The following LRWD1 variants were observed in gnomAD, a reference collection of about 807,000 sequenced individuals.
LRWD1 encodes the protein leucine-rich repeat and WD repeat-containing protein 1.
A neutral mutation model predicts 75.6 loss-of-function variants in LRWD1; 76 were observed. The ratio of observed to expected loss-of-function variants is 1.01; its 90% CI spans 0.84 to 1.22. The LOEUF is 1.22. LRWD1 is among the 50% of genes most tolerant of loss of function. The pLI is 0.00. For synonymous variants in LRWD1, 487 were observed against 377.0 expected (o/e 1.29, Z -3.38); for missense variants, 917 against 862.0 (o/e 1.06, Z -0.80).
At chr7:102,468,434 G>T (rs1466207332) in intron 7 of LRWD1, 57 bp downstream of exon 7, 2 of 1,546,532 alleles carry the variant, frequency 1.3e-6, no homozygotes, top group East Asian at 2.4e-5. Context: ...CGCCTGGATG[G>T]GTGGGGGATC....
At chr7:102,465,537 T>G (rs10953368) in intron 1 of LRWD1, 133,056 of 198,318 alleles carry the variant, frequency 0.67, 45,933 homozygotes, top group Non-Finnish European at 0.75. Flanking sequence ...TTAAGTGGTG[T>G]GGAGTCGGGA....
rs1798211199 is a variant in LRWD1 at position 102,472,124 on chromosome 7, AG to A, written c.1443-91del. The A allele has an allele frequency of 3.6e-6, 4 of 1,121,668 alleles. No homozygotes were observed. In the African/African-American group the frequency reaches 6.2e-5, roughly 17 times the overall value. The allele number at this position is 1,121,668 out of a possible 1,614,324, so 69.5% of individuals were successfully genotyped here. A position where few individuals can be genotyped will look rare whatever the true frequency, so the allele number is the denominator to read the frequency against. On this transcript the variant is annotated intron_variant, in intron 11 of 14. Coordinates refer to ENST00000292616, the MANE Select transcript of LRWD1 (RefSeq NM_152892.3). ...CTTCTGTGCAGCCTTCACACAGGGC[AG>A]GGTCCCCAGCAGGTGCGCTGCAGAT...
intron 8 of LRWD1, 78 bp from the exon 9 acceptor site, chr7:102,468,777 C>A: frequency 6.5e-7 from 1 of 1,548,700 alleles, no homozygotes. Flanking sequence ...CTGGGGCTCC[C>A]TCCCCCAGGC....
intron 5 of LRWD1, 101 bp downstream of exon 5, chr7:102,467,924 C>T: frequency 6.7e-7 from 1 of 1,498,026 alleles, no homozygotes; most frequent in Non-Finnish European, 9.0e-7. Context: ...GGAAGCACCC[C>T]AGGTCCTGGC....
In LRWD1 at chr7:102,469,858, G is replaced by A. The variant is rs201589745; in HGVS notation, c.1418G>A (p.Arg473Gln). 2.1e-5 allele frequency: 33 copies of A among 1,588,400 alleles called. No individual in the cohort carries two copies. Among genetic ancestry groups the A allele is most frequent in the Admixed American group, 1.0e-4 (6 of 57,726 alleles). Residue 473 changes from arginine to glutamine, a missense_variant, in exon 11 of 15, where the codon CGG becomes CAG. Coordinates refer to ENST00000292616, the MANE Select transcript of LRWD1 (RefSeq NM_152892.3). Reference sequence around the variant, plus strand: ...GGCGGCTGCTGCTGCTGGGACGTGCGGCTGGACCAGCCCCAAAAGAGGAGG... The same window carrying A: ...GGCGGCTGCTGCTGCTGGGACGTGCAGCTGGACCAGCCCCAAAAGAGGAGG... ...CEGGCCCWDV[R>Q]LDQPQKRRVC... is the part of the protein sequence containing the mutation.
rs950492136 is a variant in LRWD1, at chr7:102,465,900, C to CT, written c.165dup (p.Asn56Ter). 1.2e-6 allele frequency: 2 copies of CT among 1,613,624 alleles called. No individual in the cohort carries two copies. The highest frequency in any genetic ancestry group is 1.1e-5 in the South Asian group (1 of 91,074). On this transcript the variant is annotated frameshift_variant, in exon 2 of 15. Coordinates refer to ENST00000292616, the MANE Select transcript of LRWD1 (RefSeq NM_152892.3). LOFTEE classifies it high-confidence loss of function. ...ACGCAGCTGCAGGAGCTTGACCTGT[C>CT]TAACAACCACCTGGAGACGCTGCCG... is the stretch of plus-strand genomic sequence containing the variant.
At chr7:102,471,238 T>G (rs530853783) in intron 11 of LRWD1, 1 of 152,560 alleles carries the variant, frequency 6.6e-6, no homozygotes, top group African/African-American at 2.4e-5. Context: ...AGCTGACTTT[T>G]GTCTTTTTAA....
At position 102,472,478 on chromosome 7, in the gene LRWD1, C is replaced by A; in HGVS notation, c.1559C>A (p.Thr520Asn). 1 of 1,540,252 alleles carries A rather than the reference C, an allele frequency of 6.5e-7. No homozygotes were observed. Among genetic ancestry groups the A allele is most frequent in the Non-Finnish European group, 8.8e-7 (1 of 1,141,460 alleles). The change falls in exon 13 of 15, where the codon ACC (threonine) becomes AAC (asparagine). Residue 520 changes from threonine (T) to asparagine (N), a missense_variant. Transcript: ENST00000292616. The stretch of plus-strand genomic sequence containing the variant: ...GCCTCCAAGGGGAGCGGCCTGGGCA[C>A]CATCTGCCTGTGGAGCTGGAGGCAG... ...IVASKGSGLG[T>N]ICLWSWRQTW...
Position 102,469,772 on chromosome 7 carries a change from C to T in LRWD1, c.1332C>T (p.Ile444=). The T allele has an allele frequency of 6.2e-7, 1 of 1,609,342 alleles. No homozygotes were observed. The highest frequency in any genetic ancestry group is 8.5e-7 in the Non-Finnish European group (1 of 1,177,138). ...TGCTCACACTGGACACCACCTCTAT[C>T]CCCCTGCGCCTCTGCCCTGTCGCCT... The part of the protein sequence containing the change: ...SQLLTLDTTS[I]PLRLCPVASC... Residue 444 remains isoleucine (I), a synonymous_variant, in exon 11 of 15, where the codon ATC becomes ATT. Coordinates refer to ENST00000292616, the MANE Select transcript of LRWD1 (RefSeq NM_152892.3).
rs374442932 is a variant in LRWD1 at position 102,467,449 on chromosome 7, C to T, written c.543C>T (p.Pro181=). ...CTGTCAGGGATGTCCGCTACGGGCC[C>T]GAGTCCCTCAGCGAGTTCACCCAGT... ...KSAVRDVRYG[P]ESLSEFTQWR... is the part of the protein sequence containing the mutation. Residue 181 remains proline (P), a synonymous_variant, in exon 4 of 15, where the codon CCC becomes CCT. Transcript: ENST00000292616. The T allele has an allele frequency of 1.1e-5, 17 of 1,613,660 alleles. No individual in the cohort carries two copies. Among genetic ancestry groups the T allele is most frequent in the African/African-American group, 1.3e-5 (1 of 74,858 alleles).
Position 102,467,477 on chromosome 7 carries a change from C to T in LRWD1, c.571C>T (p.Arg191Trp), listed in dbSNP as rs1314161074. 2.5e-6 allele frequency: 4 copies of T among 1,612,474 alleles called. No individual in the cohort carries two copies. The East Asian group carries it at 6.7e-5, about 27-fold the overall frequency. The change falls in exon 4 of 15, where the codon CGG becomes TGG. Residue 191 changes from arginine (R) to tryptophan (W), a missense_variant and splice_region_variant. Transcript: ENST00000292616. Reference protein sequence around the residue: ...PESLSEFTQWRVRMISEELVA... With the variant: ...PESLSEFTQWWVRMISEELVA... ...GTCCCTCAGCGAGTTCACCCAGTGGCGGGTATGTCCCTGTCCCAATGTGCA... is the reference window on the plus strand; with the variant it reads ...GTCCCTCAGCGAGTTCACCCAGTGGTGGGTATGTCCCTGTCCCAATGTGCA...
chr7:102,473,126 T>C lies in LRWD1; in HGVS notation c.*77T>C. On this transcript the variant is annotated 3_prime_UTR_variant, in exon 15 of 15. Coordinates refer to ENST00000292616, the MANE Select transcript of LRWD1 (RefSeq NM_152892.3). ...TTGGGCCGATGGGGGTGGGGGGGGG[T>C]CTTTCAGTGAATATTTTTATTAAAC... is the stretch of plus-strand genomic sequence containing the variant. 9 of 1,208,362 alleles carry C rather than the reference T, an allele frequency of 7.4e-6. No homozygotes were observed. The highest frequency in any genetic ancestry group is 8.0e-6 in the Non-Finnish European group (7 of 878,154). The allele number at this position is 1,208,362 out of a possible 1,614,324, so 74.9% of individuals were successfully genotyped here. A position where few individuals can be genotyped will look rare whatever the true frequency, so the allele number is the denominator to read the frequency against.
In LRWD1 at chr7:102,468,037, C is replaced by A. The variant is rs753498259; in HGVS notation, c.679-25C>A. On this transcript the variant is annotated intron_variant, in intron 5 of 14. Coordinates refer to ENST00000292616, the MANE Select transcript of LRWD1 (RefSeq NM_152892.3). ...GAAGGAAGCCCCAGGCAGACAGGCC[C>A]ATGGTCACAAGGCCCCCTCCACAGG... is the stretch of plus-strand genomic sequence containing the variant. 7 of 1,601,452 alleles carry A rather than the reference C, an allele frequency of 4.4e-6. No individual in the cohort carries two copies. In the South Asian group the frequency reaches 7.8e-5, roughly 18 times the overall value.
At chr7:102,469,380 G>T (rs1237764656) in intron 9 of LRWD1, among the ~76,000 whole-genome samples, 194 bp from the exon 10 acceptor site, 1 of 152,066 alleles carries the variant, frequency 6.6e-6, no homozygotes, top group Non-Finnish European at 1.5e-5. Flanking sequence ...GTGGCCGCTG[G>T]AGCCACCGCA....
Position 102,469,326 on chromosome 7 carries a change from C to T in LRWD1, c.1229-248C>T, listed in dbSNP as rs527446344. 1.4e-4 allele frequency among the ~76,000 whole-genome samples: 21 copies of T among 152,360 alleles called. 1 individual carries two copies. Among genetic ancestry groups the T allele is most frequent in the Admixed American group, 7.2e-4 (11 of 15,306 alleles). On this transcript the variant is annotated intron_variant, in intron 9 of 14. Coordinates refer to ENST00000292616, the MANE Select transcript of LRWD1 (RefSeq NM_152892.3). ...TGACCTGGGGGGATGCCCCTGCCCC[C>T]GGGTGTGGCGCCCCTGTCAAGGGGG... is the stretch of plus-strand genomic sequence containing the variant.
intron 11 of LRWD1, chr7:102,471,837 C>T (rs1487717708): frequency 8.6e-6 from 2 of 232,554 alleles, no homozygotes; most frequent in African/African-American, 2.3e-5. Flanking sequence ...AGAGCAGATG[C>T]CCCCAACAGC....
rs1411262784 is a variant in LRWD1 at position 102,472,623 on chromosome 7, C to G, written c.1690+14C>G. ...GCGCCTGCCCTGGTGAGCCTGCCCC[C>G]CTGCCCGCCCCATCCCGCGGGCTTC... On this transcript the variant is annotated intron_variant, in intron 13 of 14. Coordinates refer to ENST00000292616, the MANE Select transcript of LRWD1 (RefSeq NM_152892.3). 3 of 1,609,536 alleles carry G rather than the reference C, an allele frequency of 1.9e-6. No individual in the cohort carries two copies. The highest frequency in any genetic ancestry group is 2.5e-6 in the Non-Finnish European group (3 of 1,177,460).
chr7:102,472,772 C>T lies in LRWD1; in HGVS notation c.1771C>T (p.Leu591=). ...DVSNILKQPP[L]LPAALQAPTQ... is the part of the protein sequence containing the mutation. ...CAGCAACATCCTGAAGCAGCCACCCCTGCTGCCGGCAGCCCTGCAGGCCCC... is the reference window on the plus strand; with the variant it reads ...CAGCAACATCCTGAAGCAGCCACCCTTGCTGCCGGCAGCCCTGCAGGCCCC... Residue 591 remains leucine (L), a synonymous_variant, in exon 14 of 15, where the codon CTG becomes TTG. Coordinates refer to ENST00000292616, the MANE Select transcript of LRWD1 (RefSeq NM_152892.3). 2 of 1,613,462 alleles carry T rather than the reference C, an allele frequency of 1.2e-6. No homozygotes were observed. Among genetic ancestry groups the T allele is most frequent in the Non-Finnish European group, 1.7e-6 (2 of 1,179,950 alleles).
rs773914956 is a variant in LRWD1, at chr7:102,472,767, C to T, written c.1766C>T (p.Pro589Leu). Residue 589 changes from proline to leucine, a missense_variant, in exon 14 of 15, where the codon CCA becomes CTA. Physicochemically the swap from Pro to Leu is moderately conservative, Grantham distance 98. Coordinates refer to ENST00000292616, the MANE Select transcript of LRWD1 (RefSeq NM_152892.3). Reference sequence around the variant, plus strand: ...GACGTCAGCAACATCCTGAAGCAGCCACCCCTGCTGCCGGCAGCCCTGCAG... The same window carrying T: ...GACGTCAGCAACATCCTGAAGCAGCTACCCCTGCTGCCGGCAGCCCTGCAG... ...LYDVSNILKQ[P>L]PLLPAALQAP... 3 of 1,613,346 alleles carry T rather than the reference C, an allele frequency of 1.9e-6. No homozygotes were observed. The South Asian group carries it at 3.3e-5, about 18-fold the overall frequency.
Sources: gnomAD v4.1 joint callset for allele counts (sites outside exome capture counted in the v4.1 genomes callset) on GRCh38, gnomAD v4.1.1 for gene constraint, MANE v1.5 for transcripts, NCBI Gene and HGNC (gene_info 2026-07-23, HGNC 2026-07-21) for gene names.